The following MS4A5 variants were observed in gnomAD, a reference collection of about 807,000 sequenced individuals.
MS4A5 encodes the protein membrane spanning 4-domains A5, also known as membrane-spanning 4-domains subfamily A member 5.
In MS4A5, 15 loss-of-function variants were observed where a neutral mutation model predicts 18.2. The ratio of observed to expected loss-of-function variants is 0.83; its 90% CI spans 0.55 to 1.27. MS4A5 has a LOEUF of 1.27. MS4A5 is among the 50% of genes most tolerant of loss of function. The probability of loss-of-function intolerance (pLI) is 0.00; values close to 1 mark genes in which losing one functional copy is unlikely to be tolerated. For synonymous variants in MS4A5, 89 were observed against 78.7 expected (o/e 1.13, Z -0.69); for missense variants, 232 against 225.7 (o/e 1.03, Z -0.18).
In MS4A5 at chr11:60,433,807, G is replaced by A. The variant is rs2086064262; in HGVS notation, c.382G>A (p.Ala128Thr). Residue 128 changes from alanine to threonine, a missense_variant, in exon 4 of 5, where the codon GCA becomes ACA. Transcript: ENST00000300190. The stretch of plus-strand genomic sequence containing the variant: ...AATGAATTTTCTTAGTGCCCTGGGA[G>A]CAATAGCTGGAATCATTCTCCTCAC... ...RIMNFLSALG[A>T]IAGIILLTFG... The A allele has an allele frequency of 6.2e-7, 1 of 1,613,812 alleles. No individual in the cohort carries two copies. Among genetic ancestry groups the A allele is most frequent in the Non-Finnish European group, 8.5e-7 (1 of 1,179,822 alleles).
At chr11:60,435,713 G>A (rs900184545) in intron 4 of MS4A5, among the ~76,000 whole-genome samples, 12 of 152,140 alleles carry the variant, frequency 7.9e-5, no homozygotes, top group African/African-American at 2.4e-4. Context: ...CGAATACTGC[G>A]CTTTTCCGAC....
intron 4 of MS4A5, among the ~76,000 whole-genome samples, chr11:60,436,366 G>A (rs138525506): frequency 0.048 from 6,588 of 136,842 alleles, 951 homozygotes; most frequent in Admixed American, 0.13. Flanking sequence ...AAAGCAGAGT[G>A]CCACTCCTCC....
At chr11:60,444,887 C>G (rs2086131255) in intron 4 of MS4A5, among the ~76,000 whole-genome samples, 1 of 152,146 alleles carries the variant, frequency 6.6e-6, no homozygotes, top group Non-Finnish European at 1.5e-5. Flanking sequence ...AATCATACAC[C>G]TACTTTATGT....
rs574399184 is a variant in MS4A5, at chr11:60,444,286, C to T, written c.493-3363C>T. Among the ~76,000 whole-genome samples the T allele has an allele frequency of 2.1e-4, 32 of 152,160 alleles. No individual in the cohort carries two copies. The East Asian group carries it at 2.7e-3, about 13-fold the overall frequency. On this transcript the variant is annotated intron_variant, in intron 4 of 4. Transcript: ENST00000300190. ...GCCAAGTCAGTGGATATCAGAAGTACACAATTGATTTCACATTCAAACATC... is the reference window on the plus strand; with the variant it reads ...GCCAAGTCAGTGGATATCAGAAGTATACAATTGATTTCACATTCAAACATC...
chr11:60,440,622 G>C (rs930976446), intron 4 of MS4A5, among the ~76,000 whole-genome samples: 3 of 150,412 alleles, frequency 2.0e-5, no homozygotes, highest in African/African-American at 7.4e-5. Flanking sequence ...TGAAGGACAT[G>C]AACAGACACT....
intron 1 of MS4A5, 94 bp from the exon 2 acceptor site, chr11:60,430,702 T>A (rs1023391773): frequency 7.7e-5 from 111 of 1,450,528 alleles, no homozygotes; most frequent in Non-Finnish European, 1.0e-4. Context: ...AAGAGAGTAA[T>A]TGCCAAATCC....
chr11:60,432,399 TC>T lies in MS4A5; in HGVS notation c.283-10del. On this transcript the variant is annotated splice_polypyrimidine_tract_variant and intron_variant, in intron 2 of 4. Transcript: ENST00000300190. ...ACATGGTCATCATTAACATATTTATTCCTCTTAACAGTTCATTAATTCTGGA... is the reference window on the plus strand; with the variant it reads ...ACATGGTCATCATTAACATATTTATTCTCTTAACAGTTCATTAATTCTGGA... 1 of 1,549,024 alleles carries T rather than the reference TC, an allele frequency of 6.5e-7. No individual in the cohort carries two copies. Among genetic ancestry groups the T allele is most frequent in the Non-Finnish European group, 8.9e-7 (1 of 1,127,532 alleles).
chr11:60,435,776 G>A (rs941591107), intron 4 of MS4A5, among the ~76,000 whole-genome samples: 3 of 152,094 alleles, frequency 2.0e-5, no homozygotes, highest in Non-Finnish European at 4.4e-5. Flanking sequence ...GGCTCGGAGG[G>A]TCCTATGCCC....
intron 3 of MS4A5, 70 bp from the exon 4 acceptor site, chr11:60,433,695 C>T (rs774061996): frequency 8.1e-5 from 119 of 1,462,274 alleles, no homozygotes; most frequent in African/African-American, 1.8e-4. Context: ...CTCCATTCTC[C>T]GCACTCATTG....
In MS4A5 at chr11:60,447,722, G is replaced by A. The variant is rs1408481749; in HGVS notation, c.566G>A (p.Cys189Tyr). ...TCTCTGCCTTTCTCAATTTTGGGGT[G>A]CCACTCAGAGGATTGTGATTGTGAA... ...FISLPFSILG[C>Y]HSEDCDCEQC... is the part of the protein sequence containing the mutation. The change falls in exon 5 of 5, where the codon TGC (cysteine) becomes TAC (tyrosine). Residue 189 changes from cysteine (C) to tyrosine (Y), a missense_variant. Coordinates refer to ENST00000300190, the MANE Select transcript of MS4A5 (RefSeq NM_023945.3). 6.2e-7 allele frequency: 1 copy of A among 1,600,090 alleles called. No homozygotes were observed. Among genetic ancestry groups the A allele is most frequent in the Non-Finnish European group, 8.5e-7 (1 of 1,175,718 alleles).
rs1393574306 is a variant in MS4A5, at chr11:60,440,056, T to C, written c.492+6139T>C. The stretch of plus-strand genomic sequence containing the variant: ...CAAGGCTACAGTCACCAAAACAGCA[T>C]GGTACTGGTACCAAAACAGAGATAT... On this transcript the variant is annotated intron_variant, in intron 4 of 4. Transcript: ENST00000300190. Among the ~76,000 whole-genome samples, 4 of 142,768 alleles carry C rather than the reference T, an allele frequency of 2.8e-5. No individual in the cohort carries two copies. The East Asian group carries it at 6.1e-4, about 22-fold the overall frequency. The allele number at this position is 142,768 out of a possible 152,430, so 93.7% of individuals were successfully genotyped here. A position where few individuals can be genotyped will look rare whatever the true frequency, so the allele number is the denominator to read the frequency against.
chr11:60,447,397 G>A (rs370082145), intron 4 of MS4A5, among the ~76,000 whole-genome samples: 8 of 146,910 alleles, frequency 5.4e-5, no homozygotes, highest in African/African-American at 2.0e-4. Flanking sequence ...ATCCTATGCT[G>A]TGCTGTACTA....
At chr11:60,446,173 A>G (rs1280961704) in intron 4 of MS4A5, among the ~76,000 whole-genome samples, 1 of 152,238 alleles carries the variant, frequency 6.6e-6, no homozygotes, top group Non-Finnish European at 1.5e-5. Flanking sequence ...ACACCATGAA[A>G]TATTAAGTGG....
intron 4 of MS4A5, among the ~76,000 whole-genome samples, chr11:60,436,252 A>G (rs2086080019): frequency 6.7e-6 from 1 of 150,052 alleles, no homozygotes; most frequent in African/African-American, 2.4e-5. Context: ...CAGAAAGGAC[A>G]TCCACACCAA....
At chr11:60,445,380 C>T (rs1342447752) in intron 4 of MS4A5, among the ~76,000 whole-genome samples, 2 of 151,990 alleles carry the variant, frequency 1.3e-5, no homozygotes, top group Admixed American at 1.3e-4. Flanking sequence ...CTGTCTCAGC[C>T]TCCCGAGTAG....
At chr11:60,430,664 A>C in intron 1 of MS4A5, 132 bp from the exon 2 acceptor site, 3 of 957,082 alleles carry the variant, frequency 3.1e-6, no homozygotes, top group Non-Finnish European at 4.8e-6. Context: ...TCATAAAGGG[A>C]CTTCTATTAT....
At chr11:60,446,681 C>T (rs1037556403) in intron 4 of MS4A5, among the ~76,000 whole-genome samples, 5 of 150,500 alleles carry the variant, frequency 3.3e-5, no homozygotes, top group Non-Finnish European at 7.4e-5. Flanking sequence ...TGCAGTGAGC[C>T]GAGATCCTGC....
chr11:60,446,301 G>A (rs1333705119), intron 4 of MS4A5, among the ~76,000 whole-genome samples: 2 of 152,208 alleles, frequency 1.3e-5, no homozygotes, highest in Admixed American at 1.3e-4. Flanking sequence ...TAAGTATAAA[G>A]TAAAGCTCTC....
intron 4 of MS4A5, chr11:60,435,396 C>A (rs1038457678): frequency 2.2e-6 from 1 of 447,492 alleles, no homozygotes; most frequent in South Asian, 1.6e-5. Context: ...CAATATTTAT[C>A]ATGTTTTAAG....
Sources: gnomAD v4.1 joint callset for allele counts (sites outside exome capture counted in the v4.1 genomes callset) on GRCh38, gnomAD v4.1.1 for gene constraint, MANE v1.5 for transcripts, NCBI Gene and HGNC (gene_info 2026-07-23, HGNC 2026-07-21) for gene names.